MAP2K6: variants seen among roughly 807,000 people sequenced by gnomAD.
The protein encoded by MAP2K6 is dual specificity mitogen-activated protein kinase kinase 6.
A neutral mutation model predicts 53.7 loss-of-function variants in MAP2K6; 16 were observed. That is an observed-to-expected ratio of 0.30 (90% CI 0.20 to 0.45). The LOEUF is 0.45. Among genes scored for constraint, MAP2K6 ranks in the 20% least tolerant of loss-of-function variants. MAP2K6 has a pLI of 1.00. For missense variants in MAP2K6, 204 were observed against 411.9 expected (o/e 0.50, Z 4.37); for synonymous variants, 132 against 143.1 (o/e 0.92, Z 0.55).
chr17:69,480,077 T>A (rs1173436664), intron 1 of MAP2K6, among the ~76,000 whole-genome samples: 1 of 152,178 alleles, frequency 6.6e-6, no homozygotes, highest in African/African-American at 2.4e-5. Flanking sequence ...ATTCCCAGGT[T>A]GAATTTTTTT....
intron 1 of MAP2K6, among the ~76,000 whole-genome samples, chr17:69,458,135 C>A (rs1165052472): frequency 6.6e-6 from 1 of 152,154 alleles, no homozygotes; most frequent in Non-Finnish European, 1.5e-5. Flanking sequence ...CTCACTGCAA[C>A]CTCCGCCTTC....
At chr17:69,486,798 T>C (rs1347944253) in intron 1 of MAP2K6, among the ~76,000 whole-genome samples, 2 of 152,228 alleles carry the variant, frequency 1.3e-5, no homozygotes, top group African/African-American at 4.8e-5. Context: ...GTAAACACAC[T>C]ACAGAGCTAT....
chr17:69,502,065 A>G (rs1909198820), intron 1 of MAP2K6: 2 of 628,936 alleles, frequency 3.2e-6, no homozygotes, highest in Non-Finnish European at 4.0e-6. Context: ...AGAGGCATTT[A>G]TAGAAAAGCT....
chr17:69,480,968 C>T (rs908310495), intron 1 of MAP2K6, among the ~76,000 whole-genome samples: 1 of 151,964 alleles, frequency 6.6e-6, no homozygotes, highest in African/African-American at 2.4e-5. Flanking sequence ...TCATTTGTGC[C>T]CTTTTGAAAG....
chr17:69,528,769 G>T (rs2521363), intron 10 of MAP2K6, among the ~76,000 whole-genome samples: 88,779 of 148,536 alleles, frequency 0.6, 26,414 homozygotes, highest in Middle Eastern at 0.72. Flanking sequence ...TGATGCAGGA[G>T]AATTGCTTGA....
intron 1 of MAP2K6, among the ~76,000 whole-genome samples, chr17:69,505,033 T>C (rs9903644): frequency 0.033 from 4,857 of 149,304 alleles, 255 homozygotes; most frequent in African/African-American, 0.11. Flanking sequence ...ATTTAGAAAA[T>C]AGTGGGTTAC....
chr17:69,517,298 G>A (rs1253978239), intron 3 of MAP2K6, among the ~76,000 whole-genome samples: 3 of 152,004 alleles, frequency 2.0e-5, no homozygotes, highest in Non-Finnish European at 1.5e-5. Context: ...GGACAAGCAG[G>A]TGGGCTACCG....
chr17:69,418,470 A>G (rs1289938085), intron 1 of MAP2K6, among the ~76,000 whole-genome samples: 1 of 152,226 alleles, frequency 6.6e-6, no homozygotes, highest in Non-Finnish European at 1.5e-5. Flanking sequence ...TTTCATAGAA[A>G]AGGAAAAATA....
intron 1 of MAP2K6, among the ~76,000 whole-genome samples, chr17:69,428,113 C>T (rs1202253427): frequency 1.1e-4 from 16 of 152,150 alleles, no homozygotes; most frequent in Non-Finnish European, 1.9e-4. Flanking sequence ...TGAACAGAAT[C>T]CTCTTACTAC....
At chr17:69,533,070 A>C (rs1357902089) in intron 10 of MAP2K6, among the ~76,000 whole-genome samples, 1 of 152,130 alleles carries the variant, frequency 6.6e-6, no homozygotes, top group Admixed American at 6.5e-5. Context: ...CTGGGATTAC[A>C]GGCTCCTGCC....
At chr17:69,475,765 C>T (rs1323639794) in intron 1 of MAP2K6, among the ~76,000 whole-genome samples, 1 of 152,134 alleles carries the variant, frequency 6.6e-6, no homozygotes, top group East Asian at 1.9e-4. Context: ...TGAGAGGGGG[C>T]CCTGGCCTCT....
At chr17:69,517,429 A>G (rs1910208308) in intron 3 of MAP2K6, 71 bp from the exon 4 acceptor site, 1 of 757,710 alleles carries the variant, frequency 1.3e-6, no homozygotes, top group South Asian at 2.2e-5. Flanking sequence ...GAAACGAGAT[A>G]GAGGATAATG....
chr17:69,523,986 G>A (rs1259975098), intron 8 of MAP2K6, among the ~76,000 whole-genome samples: 1 of 152,108 alleles, frequency 6.6e-6, no homozygotes, highest in Non-Finnish European at 1.5e-5. Flanking sequence ...ATCATACATA[G>A]CACCTTCCTG....
At chr17:69,470,842 C>G (rs1407188745) in intron 1 of MAP2K6, among the ~76,000 whole-genome samples, 1 of 152,160 alleles carries the variant, frequency 6.6e-6, no homozygotes, top group Non-Finnish European at 1.5e-5. Flanking sequence ...TTGCTTATGG[C>G]CTTTACCAGA....
chr17:69,496,584 G>C (rs1445284006), intron 1 of MAP2K6, among the ~76,000 whole-genome samples: 1 of 152,134 alleles, frequency 6.6e-6, no homozygotes, highest in Non-Finnish European at 1.5e-5. Context: ...GGCCAGGCTG[G>C]TCTCGAACTC....
At chr17:69,459,078 C>G (rs1907522702) in intron 1 of MAP2K6, among the ~76,000 whole-genome samples, 1 of 152,196 alleles carries the variant, frequency 6.6e-6, no homozygotes, top group African/African-American at 2.4e-5. Context: ...TGTGTCTTTA[C>G]TTGCCAGCCC....
At chr17:69,466,185 C>T (rs1015697662) in intron 1 of MAP2K6, among the ~76,000 whole-genome samples, 6 of 149,018 alleles carry the variant, frequency 4.0e-5, no homozygotes, top group Admixed American at 1.3e-4. Flanking sequence ...ACCAGCTACT[C>T]GGGAGGCTGA....
intron 1 of MAP2K6, among the ~76,000 whole-genome samples, chr17:69,428,783 G>A (rs1477872507): frequency 6.6e-6 from 1 of 151,690 alleles, no homozygotes; most frequent in Admixed American, 6.6e-5. Flanking sequence ...GTTCTCAGGA[G>A]AATAAGGAAG....
chr17:69,452,986 T>C (rs1457866316), intron 1 of MAP2K6, among the ~76,000 whole-genome samples: 1 of 152,204 alleles, frequency 6.6e-6, no homozygotes, highest in Admixed American at 6.5e-5. Flanking sequence ...AGTGACAGCC[T>C]CAACCAGGTG....
Sources: allele counts gnomAD v4.1 joint callset (sites outside exome capture counted in the v4.1 genomes callset), GRCh38; gene constraint gnomAD v4.1.1; transcripts MANE v1.5; gene names NCBI Gene and HGNC (gene_info 2026-07-23, HGNC 2026-07-21).